Variants in TRIM67 observed in about 807,000 individuals in gnomAD.
The protein encoded by TRIM67 is tripartite motif containing 67.
Under a neutral mutation model 71.0 loss-of-function variants are expected in TRIM67, and 39 were observed. That is an observed-to-expected ratio of 0.55 (90% CI 0.43 to 0.72). TRIM67 has a LOEUF of 0.72. Among genes scored for constraint, TRIM67 ranks in the 30% least tolerant of loss-of-function variants. The pLI, the probability that TRIM67 is intolerant of heterozygous loss-of-function variation, is 0.00. For synonymous variants in TRIM67, 481 were observed against 473.9 expected (o/e 1.01, Z -0.19); for missense variants, 973 against 1,079.2 (o/e 0.90, Z 1.38).
rs544349815 is a variant in TRIM67, at chr1:231,176,882, A to G, written c.1044+12869A>G. Among the ~76,000 whole-genome samples the G allele has an allele frequency of 1.3e-3, 164 of 122,378 alleles. 2 individuals are homozygous for G. The highest frequency in any genetic ancestry group is 5.5e-3 in the African/African-American group (154 of 28,080). The allele number at this position is 122,378 out of a possible 152,430, so 80.3% of individuals were successfully genotyped here. A position where few individuals can be genotyped will look rare whatever the true frequency, so the allele number is the denominator to read the frequency against. On this transcript the variant is annotated intron_variant, in intron 1 of 9. Coordinates refer to ENST00000366653, the MANE Select transcript of TRIM67 (RefSeq NM_001004342.5). Reference sequence around the variant, plus strand: ...TTTTCTTGTAAATTTCAGTCATTTTACCCTGTTTGCCAATACAATCTGGCA... The same window carrying G: ...TTTTCTTGTAAATTTCAGTCATTTTGCCCTGTTTGCCAATACAATCTGGCA...
chr1:231,196,990 G>A lies in TRIM67; in HGVS notation c.1045-381G>A, dbSNP rs1426120293. The stretch of plus-strand genomic sequence containing the variant: ...TGGGGTGGACGGAACCTGACCTGGG[G>A]TCTGGAATGTCCATACAGGCATGTA... On this transcript the variant is annotated intron_variant, in intron 1 of 9. Transcript: ENST00000366653. 2.6e-5 allele frequency among the ~76,000 whole-genome samples: 4 copies of A among 152,264 alleles called. No individual in the cohort carries two copies. In the South Asian group the frequency reaches 8.3e-4, roughly 32 times the overall value.
intron 1 of TRIM67, among the ~76,000 whole-genome samples, chr1:231,173,749 G>A (rs1571871609): frequency 6.6e-6 from 1 of 152,224 alleles, no homozygotes; most frequent in Non-Finnish European, 1.5e-5. Context: ...TTAAGCTGGG[G>A]TGTGATGTTT....
At chr1:231,179,986 C>T (rs984045799) in intron 1 of TRIM67, among the ~76,000 whole-genome samples, 2 of 152,164 alleles carry the variant, frequency 1.3e-5, no homozygotes, top group African/African-American at 4.8e-5. Flanking sequence ...TCTCAACTTT[C>T]TCCTGTGCCT....
intron 8 of TRIM67, among the ~76,000 whole-genome samples, chr1:231,210,502 C>T (rs913019864): frequency 6.6e-6 from 1 of 151,226 alleles, no homozygotes; most frequent in Non-Finnish European, 1.5e-5. Flanking sequence ...TGCCTCTGCC[C>T]GGACACTGCA....
chr1:231,171,446 C>G (rs1473818460), intron 1 of TRIM67, among the ~76,000 whole-genome samples: 1 of 152,104 alleles, frequency 6.6e-6, no homozygotes, highest in Non-Finnish European at 1.5e-5. Context: ...TAGTTTGGGT[C>G]TTAGTTGTTC....
At chr1:231,190,871 C>A (rs1683213602) in intron 1 of TRIM67, among the ~76,000 whole-genome samples, 1 of 152,168 alleles carries the variant, frequency 6.6e-6, no homozygotes, top group Admixed American at 6.5e-5. Flanking sequence ...TCTTTCCCCA[C>A]TTCCAGGGTC....
intron 1 of TRIM67, among the ~76,000 whole-genome samples, chr1:231,168,172 C>A (rs763222182): frequency 2.6e-5 from 4 of 152,078 alleles, no homozygotes; most frequent in Admixed American, 6.5e-5. Context: ...GCTCTGTTGG[C>A]CAGGCTGGTC....
At position 231,217,324 on chromosome 1, in the gene TRIM67, C is replaced by T. The variant is rs1406298983; in HGVS notation, c.*1884C>T. On this transcript the variant is annotated 3_prime_UTR_variant, in exon 10 of 10. Transcript: ENST00000366653. ...GTCTTGCCTCTTCCTTGTCATCTCA[C>T]CAAGCGGTTTCTGGGTCTCCTCCTC... is the stretch of plus-strand genomic sequence containing the variant. 32 of 986,090 alleles carry T rather than the reference C, an allele frequency of 3.2e-5. No individual in the cohort carries two copies. Among genetic ancestry groups the T allele is most frequent in the Non-Finnish European group, 3.7e-5 (31 of 830,458 alleles). The allele number at this position is 986,090 out of a possible 1,614,324, so 61.1% of individuals were successfully genotyped here. A position where few individuals can be genotyped will look rare whatever the true frequency, so the allele number is the denominator to read the frequency against.
intron 1 of TRIM67, among the ~76,000 whole-genome samples, chr1:231,169,761 A>G (rs936599335): frequency 6.6e-6 from 1 of 152,018 alleles, no homozygotes; most frequent in Non-Finnish European, 1.5e-5. Context: ...CTTCTCTCCT[A>G]TCTGCCCCAG....
intron 1 of TRIM67, among the ~76,000 whole-genome samples, chr1:231,183,594 AC>A (rs1682968323): frequency 6.6e-6 from 1 of 152,132 alleles, no homozygotes; most frequent in Admixed American, 6.5e-5. Flanking sequence ...AGACTGGACA[AC>A]AAAATGAGAC....
Position 231,218,189 on chromosome 1 carries a change from A to G in TRIM67, c.*2749A>G, listed in dbSNP as rs1305490844. 8.8e-6 allele frequency: 9 copies of G among 1,023,554 alleles called. No individual in the cohort carries two copies. Among genetic ancestry groups the G allele is most frequent in the Non-Finnish European group, 1.1e-5 (9 of 852,040 alleles). The allele number at this position is 1,023,554 out of a possible 1,614,324, so 63.4% of individuals were successfully genotyped here. Reference sequence around the variant, plus strand: ...CATGGCCAGGAAGGTCCCGGGTTTCAGAGTAGAAATGACAGACAGGTCATG... The same window carrying G: ...CATGGCCAGGAAGGTCCCGGGTTTCGGAGTAGAAATGACAGACAGGTCATG... On this transcript the variant is annotated 3_prime_UTR_variant, in exon 10 of 10. Transcript: ENST00000366653.
At chr1:231,170,445 C>A (rs144121409) in intron 1 of TRIM67, among the ~76,000 whole-genome samples, 4 of 152,258 alleles carry the variant, frequency 2.6e-5, no homozygotes, top group Admixed American at 6.5e-5. Context: ...TGAAGACAAC[C>A]TCAAAGGCTG....
At chr1:231,205,961 A>T (rs1683683402) in intron 6 of TRIM67, among the ~76,000 whole-genome samples, 2 of 152,154 alleles carry the variant, frequency 1.3e-5, no homozygotes, top group Non-Finnish European at 1.5e-5. Flanking sequence ...GGCTGGCTGC[A>T]GACCCAGGAA....
At position 231,199,160 on chromosome 1, in the gene TRIM67, C is replaced by T. The variant is rs1262621892; in HGVS notation, c.1254C>T (p.His418=). The T allele has an allele frequency of 1.2e-5, 19 of 1,613,834 alleles. No individual in the cohort carries two copies. The highest frequency in any genetic ancestry group is 1.5e-5 in the Non-Finnish European group (18 of 1,179,872). ...LLTKVTKERE[H]KLKMVWDQIN... is the part of the protein sequence containing the mutation. Reference sequence around the variant, plus strand: ...CCAAGGTGACTAAAGAGAGGGAACACAAGTTGAAGGTAGGTACCTGGGGGA... The same window carrying T: ...CCAAGGTGACTAAAGAGAGGGAACATAAGTTGAAGGTAGGTACCTGGGGGA... The change falls in exon 3 of 10, where the codon CAC becomes CAT. Residue 418 remains histidine (H), a synonymous_variant. Coordinates refer to ENST00000366653, the MANE Select transcript of TRIM67 (RefSeq NM_001004342.5).
At chr1:231,202,320 A>G (rs1683577517) in intron 5 of TRIM67, among the ~76,000 whole-genome samples, 1 of 135,064 alleles carries the variant, frequency 7.4e-6, no homozygotes, top group African/African-American at 3.1e-5. Context: ...CAGGAGGAGG[A>G]GGAAGAGAAG....
intron 1 of TRIM67, among the ~76,000 whole-genome samples, chr1:231,191,363 C>T (rs1374737524): frequency 6.6e-6 from 1 of 152,174 alleles, no homozygotes; most frequent in East Asian, 1.9e-4. Context: ...CCGTGCCAAG[C>T]CTGGAAGTTA....
chr1:231,184,802 C>A (rs1683012700), intron 1 of TRIM67: 2 of 582,230 alleles, frequency 3.4e-6, no homozygotes, highest in Non-Finnish European at 3.1e-6. Flanking sequence ...GCCTTCCATG[C>A]ACACCATCAT....
chr1:231,165,215 C>T (rs1268267163), intron 1 of TRIM67, among the ~76,000 whole-genome samples: 3 of 152,098 alleles, frequency 2.0e-5, no homozygotes, highest in Non-Finnish European at 1.5e-5. Context: ...AGGAAAACTC[C>T]CCAAAACAAT....
At position 231,187,108 on chromosome 1, in the gene TRIM67, G is replaced by A. The variant is rs10495304; in HGVS notation, c.1045-10263G>A. Among the ~76,000 whole-genome samples the A allele has an allele frequency of 1.1e-3, 166 of 152,330 alleles. 4 individuals carry two copies. Among genetic ancestry groups the A allele is most frequent in the Admixed American group, 1.0e-2 (153 of 15,304 alleles). The stretch of plus-strand genomic sequence containing the variant: ...CAGGCAATGGTGTGACCAGGAAGTC[G>A]TAGCTGTGTTGTTGGATCCCTCTTT... On this transcript the variant is annotated intron_variant, in intron 1 of 9. Coordinates refer to ENST00000366653, the MANE Select transcript of TRIM67 (RefSeq NM_001004342.5).
Sources: gnomAD v4.1 joint callset for allele counts (sites outside exome capture counted in the v4.1 genomes callset) on GRCh38, gnomAD v4.1.1 for gene constraint, MANE v1.5 for transcripts, NCBI Gene and HGNC (gene_info 2026-07-23, HGNC 2026-07-21) for gene names.